ATXN7: variants seen among roughly 807,000 people sequenced by gnomAD.
ATXN7 encodes the protein ataxin-7.
In ATXN7, 12 loss-of-function variants were observed where a neutral mutation model predicts 70.5. The observed-to-expected ratio is 0.17, with a 90% CI of 0.11 to 0.28. The LOEUF (loss-of-function observed/expected upper bound fraction) is 0.28, where lower values mean the gene tolerates loss of function less well. ATXN7 is among the 10% of genes least tolerant of loss of function. The pLI is 1.00. For missense variants in ATXN7, 1,256 were observed against 1,131.7 expected, an observed-to-expected ratio of 1.11 and a Z score of -1.58; for synonymous variants, 498 against 448.7, an observed-to-expected ratio of 1.11 and a Z score of -1.39.
intron 1 of ATXN7, among the ~76,000 whole-genome samples, chr3:63,888,014 T>C (rs1296083878): frequency 6.6e-6 from 1 of 152,172 alleles, no homozygotes; most frequent in African/African-American, 2.4e-5. Flanking sequence ...ACTGCCAGAA[T>C]ATTCTGTTAC....
chr3:63,978,812 A>G (rs974120265), intron 5 of ATXN7, among the ~76,000 whole-genome samples: 1 of 152,194 alleles, frequency 6.6e-6, no homozygotes, highest in African/African-American at 2.4e-5. Flanking sequence ...GGAATAAGTC[A>G]CCACAGTTTT....
At position 63,995,973 on chromosome 3, in the gene ATXN7, T is replaced by TTCC. The variant is rs1553695899; in HGVS notation, c.2160_2162dup (p.Ser728dup). On this transcript the variant is annotated inframe_insertion, in exon 12 of 13. Coordinates refer to ENST00000674280, the MANE Select transcript of ATXN7 (RefSeq NM_001377405.1). Reference sequence around the variant, plus strand: ...ACAGTTCCCCACTGTTGGTTCACTCTTCCTCCTCCTCTTCCTCCTCCTCCT... The same window carrying TTCC: ...ACAGTTCCCCACTGTTGGTTCACTCTTCCTCCTCCTCCTCTTCCTCCTCCTCCT... The TTCC allele has an allele frequency of 1.8e-5, 29 of 1,613,798 alleles. 1 individual carries two copies. In the South Asian group the frequency reaches 3.2e-4, roughly 18 times the overall value.
At chr3:63,919,337 A>G (rs764413765) in intron 4 of ATXN7, among the ~76,000 whole-genome samples, 24 of 152,194 alleles carry the variant, frequency 1.6e-4, no homozygotes, top group Non-Finnish European at 2.8e-4. Context: ...TCTTTACAGG[A>G]AAAGTTTGCT....
intron 5 of ATXN7, among the ~76,000 whole-genome samples, chr3:63,976,118 T>G (rs903010202): frequency 6.6e-6 from 1 of 152,320 alleles, no homozygotes; most frequent in Admixed American, 6.5e-5. Flanking sequence ...GTCCACTTAA[T>G]ATAGGGTCCC....
At chr3:63,963,165 C>T (rs1231996331) in intron 5 of ATXN7, among the ~76,000 whole-genome samples, 1 of 152,120 alleles carries the variant, frequency 6.6e-6, no homozygotes, top group African/African-American at 2.4e-5. Flanking sequence ...ATCCACCTGC[C>T]TCTGCCTCCT....
At chr3:63,891,278 G>T (rs1203414231) in intron 1 of ATXN7, among the ~76,000 whole-genome samples, 1 of 152,100 alleles carries the variant, frequency 6.6e-6, no homozygotes. Flanking sequence ...CAAAGTGCTG[G>T]GATTACAGGC....
chr3:63,982,195 C>T lies in ATXN7; in HGVS notation c.762C>T (p.Pro254=). ...SRVPHGRIMT[P]SVKVEKIHPK... is the part of the protein sequence containing the mutation. ...CTTCCTCCTGTGACAGCATGACACC[C>T]TCTGTGAAAGTGGAAAAGATTCATC... The change falls in exon 7 of 13, where the codon CCC becomes CCT. Residue 254 remains proline (P), a synonymous_variant. Transcript: ENST00000674280. 1 of 1,614,062 alleles carries T rather than the reference C, an allele frequency of 6.2e-7. No homozygotes were observed. Among genetic ancestry groups the T allele is most frequent in the Non-Finnish European group, 8.5e-7 (1 of 1,180,014 alleles).
intron 12 of ATXN7, 159 bp from the exon 13 acceptor site, chr3:63,999,291 A>G: frequency 1.6e-6 from 1 of 627,970 alleles, no homozygotes; most frequent in Non-Finnish European, 2.8e-6. Flanking sequence ...TTGAAAGCTA[A>G]GAACAAAATC....
chr3:63,960,072 C>G (rs1243856901), intron 5 of ATXN7, among the ~76,000 whole-genome samples: 2 of 152,172 alleles, frequency 1.3e-5, no homozygotes, highest in Non-Finnish European at 2.9e-5. Flanking sequence ...GAGAAAATGA[C>G]TGGGGCAGAC....
At chr3:63,914,400 C>T (rs1289823655) in intron 4 of ATXN7, among the ~76,000 whole-genome samples, 1 of 152,198 alleles carries the variant, frequency 6.6e-6, no homozygotes, top group African/African-American at 2.4e-5. Flanking sequence ...GATTATAGAA[C>T]AAATTAGTTG....
intron 5 of ATXN7, chr3:63,967,953 G>A (rs1270028533): frequency 1.0e-5 from 16 of 1,535,754 alleles, no homozygotes; most frequent in South Asian, 5.9e-5. Flanking sequence ...GCCCTTCTGC[G>A]CAGGAGCTGA....
At chr3:63,901,985 G>A (rs1439939536) in intron 2 of ATXN7, 1 of 152,124 alleles carries the variant, frequency 6.6e-6, no homozygotes, top group African/African-American at 2.4e-5. Context: ...GGTTGGGGAG[G>A]GAATGTGGGC....
At chr3:63,947,398 A>C (rs1287850359) in intron 4 of ATXN7, among the ~76,000 whole-genome samples, 2 of 152,128 alleles carry the variant, frequency 1.3e-5, no homozygotes, top group African/African-American at 2.4e-5. Flanking sequence ...CATTCTGGGC[A>C]ACATAGTGAG....
rs76874357 is a variant in ATXN7, at chr3:63,891,848, T to G, written c.-110-6551T>G. Among the ~76,000 whole-genome samples the G allele has an allele frequency of 3.2e-3, 480 of 152,338 alleles. 3 individuals carry two copies. The highest frequency in any genetic ancestry group is 0.011 in the African/African-American group (460 of 41,572). ...GAAATTTGTTGTGTGCTGCTCAGCC[T>G]GTATTTAGGAGGTAATATTTAAAGA... On this transcript the variant is annotated intron_variant, in intron 1 of 12. Coordinates refer to ENST00000674280, the MANE Select transcript of ATXN7 (RefSeq NM_001377405.1).
intron 1 of ATXN7, among the ~76,000 whole-genome samples, chr3:63,874,250 G>C (rs1275663765): frequency 6.6e-6 from 1 of 152,202 alleles, no homozygotes; most frequent in Non-Finnish European, 1.5e-5. Flanking sequence ...AACCCAGTGA[G>C]ATAAAGTTTA....
In ATXN7 at chr3:63,992,816, C is replaced by T. The variant is rs946870324; in HGVS notation, c.1682+1957C>T. Among the ~76,000 whole-genome samples the T allele has an allele frequency of 6.6e-5, 10 of 152,282 alleles. No homozygotes were observed. In the South Asian group the frequency reaches 1.7e-3, roughly 25 times the overall value. ...GCTCAGTAATGAGCTGACACATAGGCTTGGGGCAGAGGGGAACTTGGTGCA... is the reference window on the plus strand; with the variant it reads ...GCTCAGTAATGAGCTGACACATAGGTTTGGGGCAGAGGGGAACTTGGTGCA... On this transcript the variant is annotated intron_variant, in intron 11 of 12. Coordinates refer to ENST00000674280, the MANE Select transcript of ATXN7 (RefSeq NM_001377405.1).
chr3:63,993,407 G>A (rs1417673637), intron 11 of ATXN7, among the ~76,000 whole-genome samples: 1 of 148,636 alleles, frequency 6.7e-6, no homozygotes, highest in African/African-American at 2.5e-5. Flanking sequence ...CCGAGATCGC[G>A]CCACTGCACT....
At chr3:63,869,315 A>G (rs964965127) in intron 1 of ATXN7, among the ~76,000 whole-genome samples, 1 of 152,342 alleles carries the variant, frequency 6.6e-6, no homozygotes. Flanking sequence ...AATGCAAAAA[A>G]GTTTTGCTTA....
intron 11 of ATXN7, among the ~76,000 whole-genome samples, chr3:63,991,299 G>T (rs1269015259): frequency 8.3e-5 from 9 of 108,526 alleles, no homozygotes; most frequent in African/African-American, 2.9e-4. Context: ...CCCACCCCTG[G>T]TTTTTTTTTT....
Sources: allele counts gnomAD v4.1 joint callset (sites outside exome capture counted in the v4.1 genomes callset), GRCh38; gene constraint gnomAD v4.1.1; transcripts MANE v1.5; gene names NCBI Gene and HGNC (gene_info 2026-07-23, HGNC 2026-07-21).